The following DCC variants were observed in gnomAD, a reference collection of about 807,000 sequenced individuals.
DCC encodes the protein DCC netrin 1 receptor.
DCC carries 58 observed loss-of-function variants against 172.5 expected under a neutral mutation model. The ratio of observed to expected loss-of-function variants is 0.34; its 90% CI spans 0.27 to 0.42. DCC has a LOEUF of 0.42. DCC is among the 10% of genes least tolerant of loss of function. The pLI is 1.00. For synonymous variants in DCC, 709 were observed against 644.5 expected, an observed-to-expected ratio of 1.10 and a Z score of -1.52; for missense variants, 1,740 against 1,791.0, an observed-to-expected ratio of 0.97 and a Z score of 0.51.
At chr18:53,030,606 G>A (rs925036352) in intron 5 of DCC, among the ~76,000 whole-genome samples, 10 of 152,120 alleles carry the variant, frequency 6.6e-5, no homozygotes, top group Admixed American at 5.9e-4. Context: ...AGGCTATGCT[G>A]TAACAAGGCC....
intron 12 of DCC, among the ~76,000 whole-genome samples, chr18:53,294,943 T>C (rs891685608): frequency 6.6e-6 from 1 of 152,182 alleles, no homozygotes; most frequent in African/African-American, 2.4e-5. Context: ...AAGAAATGTT[T>C]GTATCATTTT....
At chr18:52,873,431 A>C (rs2039353087) in intron 2 of DCC, among the ~76,000 whole-genome samples, 1 of 152,212 alleles carries the variant, frequency 6.6e-6, no homozygotes, top group South Asian at 2.1e-4. Flanking sequence ...CTATGACATG[A>C]AAATGGACTG....
chr18:52,441,684 C>T (rs574974683), intron 1 of DCC, among the ~76,000 whole-genome samples: 1 of 152,192 alleles, frequency 6.6e-6, no homozygotes, highest in South Asian at 2.1e-4. Context: ...TGATTACTGA[C>T]CTTTTTTAAC....
intron 1 of DCC, among the ~76,000 whole-genome samples, chr18:52,640,805 A>C (rs1434535923): frequency 6.6e-6 from 1 of 152,114 alleles, no homozygotes; most frequent in African/African-American, 2.4e-5. Context: ...GGAATCTACA[A>C]ATTCAATATA....
intron 12 of DCC, among the ~76,000 whole-genome samples, chr18:53,254,091 G>T (rs2056475158): frequency 6.6e-6 from 1 of 152,016 alleles, no homozygotes; most frequent in African/African-American, 2.4e-5. Context: ...TGTTTCCAGG[G>T]TTCTGCCATT....
At chr18:53,182,978 T>C (rs1344757389) in intron 9 of DCC, among the ~76,000 whole-genome samples, 1 of 152,192 alleles carries the variant, frequency 6.6e-6, no homozygotes, top group African/African-American at 2.4e-5. Context: ...TCTGACAAAA[T>C]GATCTTATCT....
At chr18:53,159,020 C>T in intron 8 of DCC, among the ~76,000 whole-genome samples, 1 of 133,036 alleles carries the variant, frequency 7.5e-6, no homozygotes, top group African/African-American at 3.0e-5. Flanking sequence ...AAGATGTAGG[C>T]ATACCCATAT....
intron 1 of DCC, among the ~76,000 whole-genome samples, chr18:52,476,120 G>C (rs1598848267): frequency 6.6e-6 from 1 of 152,122 alleles, no homozygotes; most frequent in African/African-American, 2.4e-5. Flanking sequence ...TACAGCACAG[G>C]CTCAATGAAA....
chr18:53,498,064 C>T (rs760643732), intron 26 of DCC, among the ~76,000 whole-genome samples: 43 of 152,164 alleles, frequency 2.8e-4, no homozygotes, highest in Non-Finnish European at 6.0e-4. Context: ...GCTCAATGAC[C>T]CAGAAGACCT....
intron 1 of DCC, among the ~76,000 whole-genome samples, chr18:52,481,484 G>A (rs78209917): frequency 0.026 from 3,892 of 152,082 alleles, 153 homozygotes; most frequent in East Asian, 0.1. Flanking sequence ...GGCCCTACTC[G>A]CAGATTTACT....
intron 5 of DCC, among the ~76,000 whole-genome samples, chr18:52,956,820 A>G (rs985091882): frequency 8.5e-5 from 13 of 152,260 alleles, no homozygotes; most frequent in African/African-American, 2.9e-4. Flanking sequence ...ATTTGTAAAC[A>G]TGTTTTAATT....
intron 1 of DCC, among the ~76,000 whole-genome samples, chr18:52,408,753 A>G (rs551040391): frequency 1.3e-5 from 2 of 152,224 alleles, no homozygotes; most frequent in African/African-American, 4.8e-5. Flanking sequence ...TTAACTCATC[A>G]TTGTATTAAC....
intron 5 of DCC, among the ~76,000 whole-genome samples, chr18:53,033,475 A>G (rs2042051634): frequency 6.6e-6 from 1 of 152,076 alleles, no homozygotes; most frequent in East Asian, 1.9e-4. Context: ...TTTCCATTTC[A>G]CTGAGAAAAT....
chr18:53,155,399 G>T (rs761294024), intron 7 of DCC, among the ~76,000 whole-genome samples: 2 of 152,136 alleles, frequency 1.3e-5, no homozygotes, highest in Non-Finnish European at 2.9e-5. Flanking sequence ...ATCACCTGTC[G>T]AGATGAAACA....
intron 7 of DCC, among the ~76,000 whole-genome samples, chr18:53,130,389 G>A (rs1031386959): frequency 1.3e-5 from 2 of 152,020 alleles, no homozygotes; most frequent in South Asian, 4.1e-4. Flanking sequence ...TATAGAGCCC[G>A]GTGGATAAAG....
intron 2 of DCC, among the ~76,000 whole-genome samples, chr18:52,763,084 G>A (rs765241994): frequency 7.2e-5 from 11 of 152,018 alleles, no homozygotes; most frequent in Non-Finnish European, 1.2e-4. Context: ...TCTGCTTGTT[G>A]ATTTATAACT....
intron 2 of DCC, among the ~76,000 whole-genome samples, chr18:52,881,159 T>C (rs2039479987): frequency 6.6e-6 from 1 of 152,172 alleles, no homozygotes; most frequent in Non-Finnish European, 1.5e-5. Flanking sequence ...TATTATCTTC[T>C]GAGAAATGTT....
chr18:52,525,487 C>A (rs1178848574), intron 1 of DCC, among the ~76,000 whole-genome samples: 9 of 152,180 alleles, frequency 5.9e-5, no homozygotes, highest in Admixed American at 5.9e-4. Context: ...ATATAGTCAT[C>A]CCCATTCATT....
chr18:53,303,351 G>T (rs773793657), intron 12 of DCC, among the ~76,000 whole-genome samples: 1 of 152,054 alleles, frequency 6.6e-6, no homozygotes, highest in African/African-American at 2.4e-5. Flanking sequence ...TATTAATGAC[G>T]TCTTTTTGGA....
Sources: allele counts gnomAD v4.1 joint callset (sites outside exome capture counted in the v4.1 genomes callset), GRCh38; gene constraint gnomAD v4.1.1; transcripts MANE v1.5; gene names NCBI Gene and HGNC (gene_info 2026-07-23, HGNC 2026-07-21).